The following SZT2 variants were observed in gnomAD, a reference collection of about 807,000 sequenced individuals.
The protein encoded by SZT2 is SZT2 subunit of KICSTOR complex.
A neutral mutation model predicts 404.2 loss-of-function variants in SZT2; 216 were observed. That is an observed-to-expected ratio of 0.53 (90% CI 0.48 to 0.60). SZT2 has a LOEUF of 0.60. Ranked by LOEUF, SZT2 falls within the 20% of genes least tolerant of loss-of-function variation. The pLI, the probability that SZT2 is intolerant of heterozygous loss-of-function variation, is 0.00. For missense variants in SZT2, 3,857 were observed against 4,459.2 expected (o/e 0.86, Z 3.85); for synonymous variants, 1,693 against 1,749.9 (o/e 0.97, Z 0.81).
Position 43,448,143 on chromosome 1 carries a change from C to T in SZT2, c.9628C>T (p.Arg3210Cys), listed in dbSNP as rs762786100. 29 of 1,609,106 alleles carry T rather than the reference C, an allele frequency of 1.8e-5. No homozygotes were observed. Among genetic ancestry groups the T allele is most frequent in the South Asian group, 1.2e-4 (11 of 90,576 alleles). Residue 3210 changes from arginine to cysteine, a missense_variant, in exon 69 of 72, where the codon CGC becomes TGC. Arg to Cys is a radical substitution (Grantham distance 180). This residue lies in a region of SZT2 where 717 missense variants were observed against 868.2 expected (regional missense o/e 0.83). Transcript: ENST00000634258. This position sits in a 1 kb window ranked among gnomAD's most constrained non-coding sequence, Gnocchi z 4.2. ...ELFPRLTADMRRFRKPPRLPP... is the reference protein window; with the variant it reads ...ELFPRLTADMCRFRKPPRLPP... The stretch of plus-strand genomic sequence containing the variant: ...CTTCCCCAGGCTCACTGCTGACATG[C>T]GCCGCTTCCGGAAGCCACCCAGACT...
chr1:43,424,801 G>T lies in SZT2; in HGVS notation c.2489G>T (p.Gly830Val). The T allele has an allele frequency of 6.2e-7, 1 of 1,614,090 alleles. No individual in the cohort carries two copies. Among genetic ancestry groups the T allele is most frequent in the East Asian group, 2.2e-5 (1 of 44,884 alleles). ...SILTEVRLSE[G>V]FHFACSGEGI... ...GGCTTCAGAGTCCGACTTTCTGAAG[G>T]ATTCCACTTCGCCTGCAGTGGGGAA... is the stretch of plus-strand genomic sequence containing the variant. Residue 830 changes from glycine (G) to valine (V), a missense_variant, in exon 17 of 72, where the codon GGA becomes GTA. Gly to Val is a moderately radical substitution (Grantham distance 109). This residue lies in a region of SZT2 where 1,725 missense variants were observed against 1,881.0 expected (regional missense o/e 0.92). Coordinates refer to ENST00000634258, the MANE Select transcript of SZT2 (RefSeq NM_001365999.1). The surrounding 1 kb of genome is among the most constrained non-coding windows in gnomAD (Gnocchi z 4.1).
Position 43,452,362 on chromosome 1 carries a change from C to T in SZT2, c.*1882C>T, listed in dbSNP as rs533456360. The T allele has an allele frequency of 4.1e-6, 6 of 1,459,408 alleles. No individual in the cohort carries two copies. Among genetic ancestry groups the T allele is most frequent in the African/African-American group, 2.8e-5 (2 of 71,762 alleles). The allele number at this position is 1,459,408 out of a possible 1,614,324, so 90.4% of individuals were successfully genotyped here. On this transcript the variant is annotated 3_prime_UTR_variant, in exon 72 of 72. Coordinates refer to ENST00000634258, the MANE Select transcript of SZT2 (RefSeq NM_001365999.1). ...TGGAGGCCTTGCCTCCCTTGGCTCT[C>T]TCTGCACCTCTTCCAGGATTCCCTG...
chr1:43,434,339 T>C lies in SZT2; in HGVS notation c.5805-47T>C. ...CATATACATATCATGCCATTACATA[T>C]AACTCCTCCCCACTGCAGTTCTGGT... is the stretch of plus-strand genomic sequence containing the variant. On this transcript the variant is annotated intron_variant, in intron 40 of 71. Transcript: ENST00000634258. The C allele has an allele frequency of 2.0e-6, 3 of 1,502,922 alleles. No individual in the cohort carries two copies. The South Asian group carries it at 3.6e-5, about 18-fold the overall frequency. The allele number at this position is 1,502,922 out of a possible 1,614,324, so 93.1% of individuals were successfully genotyped here. A position where few individuals can be genotyped will look rare whatever the true frequency, so the allele number is the denominator to read the frequency against.
chr1:43,429,246 A>G (rs971693110), intron 28 of SZT2: 2 of 158,896 alleles, frequency 1.3e-5, no homozygotes, highest in African/African-American at 4.8e-5. Context: ...TTAAGGCTGT[A>G]ATATGAAATA....
intron 46 of SZT2, 22 bp from the exon 47 acceptor site, chr1:43,438,677 T>G (rs531113700): frequency 5.6e-6 from 9 of 1,611,980 alleles, no homozygotes; most frequent in Middle Eastern, 1.7e-4. Flanking sequence ...TGTCCCCACC[T>G]TCCCACCATG....
chr1:43,452,839 G>C lies in SZT2; in HGVS notation c.*2359G>C. On this transcript the variant is annotated 3_prime_UTR_variant, in exon 72 of 72. Coordinates refer to ENST00000634258, the MANE Select transcript of SZT2 (RefSeq NM_001365999.1). ...CGTCCACCTCCTCCCATCATCCCCT[G>C]ATCTTAGCCACATCCAGCTCCAAGC... The C allele has an allele frequency of 1.3e-6, 2 of 1,520,314 alleles. No individual in the cohort carries two copies. The highest frequency in any genetic ancestry group is 1.8e-6 in the Non-Finnish European group (2 of 1,118,858). 94.2% of individuals were successfully genotyped at this position (1,520,314 alleles called of 1,614,324 possible). A position where few individuals can be genotyped will look rare whatever the true frequency, so the allele number is the denominator to read the frequency against.
chr1:43,450,264 C>G lies in SZT2; in HGVS notation c.10156-73C>G. ...GCCTGCTGAGGTTGGGGTGCCCACCCTTTCTGAGCCCTGCCTCCTATCCCC... is the reference window on the plus strand; with the variant it reads ...GCCTGCTGAGGTTGGGGTGCCCACCGTTTCTGAGCCCTGCCTCCTATCCCC... On this transcript the variant is annotated intron_variant, in intron 71 of 71. Coordinates refer to ENST00000634258, the MANE Select transcript of SZT2 (RefSeq NM_001365999.1). This position sits in a 1 kb window ranked among gnomAD's most constrained non-coding sequence, Gnocchi z 4.3. 1 of 1,613,776 alleles carries G rather than the reference C, an allele frequency of 6.2e-7. No homozygotes were observed. The highest frequency in any genetic ancestry group is 8.5e-7 in the Non-Finnish European group (1 of 1,179,700).
intron 6 of SZT2, 128 bp from the exon 7 acceptor site, chr1:43,416,407 A>T: frequency 1.3e-6 from 1 of 750,576 alleles, no homozygotes; most frequent in Non-Finnish European, 2.2e-6. Flanking sequence ...ATAAAACTTC[A>T]CAGTTTATGA....
rs1383692893 is a variant in SZT2, at chr1:43,425,020, G to A, written c.2551-93G>A. 5.8e-6 allele frequency: 9 copies of A among 1,562,618 alleles called. No homozygotes were observed. In the African/African-American group the frequency reaches 9.5e-5, roughly 16 times the overall value. On this transcript the variant is annotated intron_variant, in intron 17 of 71. Coordinates refer to ENST00000634258, the MANE Select transcript of SZT2 (RefSeq NM_001365999.1). The surrounding 1 kb of genome is among the most constrained non-coding windows in gnomAD (Gnocchi z 4.3). The stretch of plus-strand genomic sequence containing the variant: ...GAGGCTGCAGTCATAGGACAATTTG[G>A]TGAGGGAACTGAAATTCTGAGGGCC...
chr1:43,423,411 G>T lies in SZT2; in HGVS notation c.2255+95G>T. 2.4e-6 allele frequency: 3 copies of T among 1,251,382 alleles called. No individual in the cohort carries two copies. In the East Asian group the frequency reaches 7.5e-5, roughly 31 times the overall value. 77.5% of individuals were successfully genotyped at this position (1,251,382 alleles called of 1,614,324 possible). A position where few individuals can be genotyped will look rare whatever the true frequency, so the allele number is the denominator to read the frequency against. On this transcript the variant is annotated intron_variant, in intron 15 of 71. Transcript: ENST00000634258. ...CTTAGCCCGGTGTGAGTAGTATAGA[G>T]GTGTGGAGTGCGTGGCTTAGTGGGG... is the stretch of plus-strand genomic sequence containing the variant.
rs766599144 is a variant in SZT2, at chr1:43,431,750, C to T, written c.5123C>T (p.Ala1708Val). 3 of 1,614,204 alleles carry T rather than the reference C, an allele frequency of 1.9e-6. No homozygotes were observed. Among genetic ancestry groups the T allele is most frequent in the Admixed American group, 3.3e-5 (2 of 60,028 alleles). The part of the protein sequence containing the change: ...RWLLEDEMVG[A>V]LRRGGIPQSP... ...TTGTTGGAAGATGAGATGGTGGGGG[C>T]ACTCCGAAGAGGGGGCATCCCACAG... Residue 1708 changes from alanine to valine, a missense_variant, in exon 36 of 72, where the codon GCA becomes GTA. Around this residue, in one of 7 missense-constraint regions of SZT2, gnomAD observed 1,725 missense variants for 1,881.0 expected, o/e 0.92. Transcript: ENST00000634258.
rs749819665 is a variant in SZT2, at chr1:43,442,511, G to A, written c.8044G>A (p.Val2682Met). 8.2e-5 allele frequency: 132 copies of A among 1,614,046 alleles called. No homozygotes were observed. The highest frequency in any genetic ancestry group is 1.0e-4 in the Non-Finnish European group (121 of 1,180,034). Residue 2682 changes from valine (V) to methionine (M), a missense_variant, in exon 58 of 72, where the codon GTG becomes ATG. Transcript: ENST00000634258. This position sits in a 1 kb window ranked among gnomAD's most constrained non-coding sequence, Gnocchi z 4.5. ...ATTGGGCCGAGCGCTGGTTCGCCTG[G>A]TGCAGTGGCAGAATGCACGAGCCCA... is the stretch of plus-strand genomic sequence containing the variant. ...AALGRALVRL[V>M]QWQNARAHLI... is the part of the protein sequence containing the mutation.
chr1:43,401,711 C>T (rs943460927), intron 1 of SZT2, among the ~76,000 whole-genome samples: 5 of 152,306 alleles, frequency 3.3e-5, no homozygotes, highest in Non-Finnish European at 7.3e-5. Flanking sequence ...GTCTCGAACT[C>T]CTGACCTCAG....
rs756702601 is a variant in SZT2 at position 43,437,806 on chromosome 1, T to G, written c.6412T>G (p.Leu2138Val). The change falls in exon 46 of 72, where the codon TTA (leucine) becomes GTA (valine). Residue 2138 changes from leucine (L) to valine (V), a missense_variant. By Grantham distance (32) the Leu-to-Val change is conservative. Transcript: ENST00000634258. This position sits in a 1 kb window ranked among gnomAD's most constrained non-coding sequence, Gnocchi z 5.3. ...SEEASGPRSP[L>V]DMVSSRSSDA... ...TTCCCTGTAGGGTCCTCGTTCTCCC[T>G]TAGACATGGTCTCTAGCCGCAGTTC... 2 of 1,614,152 alleles carry G rather than the reference T, an allele frequency of 1.2e-6. No homozygotes were observed. Among genetic ancestry groups the G allele is most frequent in the Non-Finnish European group, 1.7e-6 (2 of 1,180,010 alleles).
intron 65 of SZT2, 83 bp from the exon 66 acceptor site, chr1:43,446,872 T>G (rs1655735494): frequency 3.5e-6 from 5 of 1,417,094 alleles, no homozygotes; most frequent in Admixed American, 3.7e-5. Flanking sequence ...ATCTTGTGCT[T>G]CTTCCCACGG....
chr1:43,425,660 A>G lies in SZT2; in HGVS notation c.2814+18A>G, dbSNP rs762295605. On this transcript the variant is annotated intron_variant, in intron 19 of 71. Transcript: ENST00000634258. The surrounding 1 kb of genome is among the most constrained non-coding windows in gnomAD (Gnocchi z 4.3). ...CGCAAGCTGTGAGTGTCCTCAGAACAGTACCCGCACCTCTCTCACTGGATT... is the reference window on the plus strand; with the variant it reads ...CGCAAGCTGTGAGTGTCCTCAGAACGGTACCCGCACCTCTCTCACTGGATT... 6.2e-7 allele frequency: 1 copy of G among 1,613,178 alleles called. No homozygotes were observed. Among genetic ancestry groups the G allele is most frequent in the East Asian group, 2.2e-5 (1 of 44,876 alleles).
chr1:43,422,065 T>C lies in SZT2; in HGVS notation c.1627-18T>C. The C allele has an allele frequency of 6.3e-7, 1 of 1,590,074 alleles. No individual in the cohort carries two copies. The highest frequency in any genetic ancestry group is 8.5e-7 in the Non-Finnish European group (1 of 1,173,512). Reference sequence around the variant, plus strand: ...TCCTCTGCAAATGCTCCTATAGTGCTGTCCTTCCTGTCCTCAGGTGCTCTC... The same window carrying C: ...TCCTCTGCAAATGCTCCTATAGTGCCGTCCTTCCTGTCCTCAGGTGCTCTC... On this transcript the variant is annotated intron_variant, in intron 11 of 71. Coordinates refer to ENST00000634258, the MANE Select transcript of SZT2 (RefSeq NM_001365999.1).
chr1:43,417,486 G>C (rs1163430719), intron 7 of SZT2, among the ~76,000 whole-genome samples: 1 of 152,168 alleles, frequency 6.6e-6, no homozygotes, highest in African/African-American at 2.4e-5. Context: ...TTGTGTTCGA[G>C]GTGCCTGTGG....
chr1:43,445,714 G>C (rs980760057), intron 62 of SZT2, 180 bp from the exon 63 acceptor site: 6 of 663,414 alleles, frequency 9.0e-6, no homozygotes, highest in African/African-American at 7.1e-5. Flanking sequence ...TATGGAGAGA[G>C]CCCAGCCTTG....
Sources: gnomAD v4.1 joint callset for allele counts (sites outside exome capture counted in the v4.1 genomes callset) on GRCh38, gnomAD v4.1.1 for gene constraint, gnomAD v4.1.1 regional missense constraint, Gnocchi (gnomAD v3.1) non-coding constraint, MANE v1.5 for transcripts, NCBI Gene and HGNC (gene_info 2026-07-23, HGNC 2026-07-21) for gene names.